The following RBM26 variants were observed in gnomAD, a reference collection of about 807,000 sequenced individuals.
RBM26 encodes the protein RNA binding motif protein 26, also known as RNA-binding protein 26.
In RBM26, 30 loss-of-function variants were observed where a neutral mutation model predicts 123.6. The observed-to-expected ratio is 0.24, with a 90% CI of 0.18 to 0.33. The LOEUF is 0.33. Ranked by LOEUF, RBM26 falls within the 10% of genes least tolerant of loss-of-function variation. RBM26 has a pLI of 1.00. For missense variants in RBM26, 947 were observed against 1,203.6 expected (o/e 0.79, Z 3.15); for synonymous variants, 400 against 404.4 (o/e 0.99, Z 0.13).
downstream of RBM26, chr13:79,315,012 A>G: frequency 7.7e-7 from 1 of 1,290,848 alleles, no homozygotes; most frequent in Non-Finnish European, 1.0e-6. Context: ...AGAGAAGACT[A>G]TTAAAAAAAA....
At chr13:79,344,556 C>A in intron 15 of RBM26, 113 bp downstream of exon 15, 1 of 989,932 alleles carries the variant, frequency 1.0e-6, no homozygotes, top group Middle Eastern at 3.1e-4. Flanking sequence ...CGTTCAGTGG[C>A]AGCCAACAAA....
At chr13:79,390,673 T>C (rs902165610) in intron 1 of RBM26, among the ~76,000 whole-genome samples, 1 of 152,186 alleles carries the variant, frequency 6.6e-6, no homozygotes, top group Non-Finnish European at 1.5e-5. Flanking sequence ...TGCGATTTAC[T>C]CTGAAATGAA....
At chr13:79,388,987 T>C (rs765256269) in intron 1 of RBM26, among the ~76,000 whole-genome samples, 55 of 152,242 alleles carry the variant, frequency 3.6e-4, no homozygotes, top group Non-Finnish European at 5.4e-4. Context: ...TAATGCTATG[T>C]GGAATCTATA....
At chr13:79,340,139 C>T (rs998453123) in intron 18 of RBM26, among the ~76,000 whole-genome samples, 3 of 149,096 alleles carry the variant, frequency 2.0e-5, no homozygotes, top group Non-Finnish European at 3.0e-5. Flanking sequence ...TCTCTATTAA[C>T]ATAAAAGAAA....
chr13:79,346,609 C>T (rs967594920), intron 14 of RBM26, among the ~76,000 whole-genome samples: 3 of 152,138 alleles, frequency 2.0e-5, no homozygotes, highest in Admixed American at 2.0e-4. Context: ...CTCCTGAGCT[C>T]AAGCAATCTT....
chr13:79,341,308 G>A lies in RBM26; in HGVS notation c.2428-81C>T, dbSNP rs113075493. On this transcript the variant is annotated intron_variant, in intron 17 of 21. Coordinates refer to ENST00000438737, the MANE Select transcript of RBM26 (RefSeq NM_001366735.2). The stretch of plus-strand genomic sequence containing the variant: ...CAAACCTTTTTAAAGTAACTTTTAC[G>A]CAGTCCCATTTAATCCATATATTTC... 3.5e-5 allele frequency: 29 copies of A among 827,416 alleles called. 2 individuals carry two copies. Among genetic ancestry groups the A allele is most frequent in the African/African-American group, 2.3e-4 (13 of 57,178 alleles). The allele number at this position is 827,416 out of a possible 1,614,324, so 51.3% of individuals were successfully genotyped here. A position where few individuals can be genotyped will look rare whatever the true frequency, so the allele number is the denominator to read the frequency against.
chr13:79,337,393 G>T, intron 18 of RBM26, 91 bp from the exon 19 acceptor site: 1 of 1,415,300 alleles, frequency 7.1e-7, no homozygotes, highest in Non-Finnish European at 9.8e-7. Flanking sequence ...AAACTTTAAT[G>T]CAATTTGACA....
chr13:79,354,570 C>T lies in RBM26; in HGVS notation c.1855G>A (p.Val619Ile), dbSNP rs775751134. The part of the protein sequence containing the change: ...TQQLQTTSPK[V>I]MQPLVQQPIL... ...GGCTGCTGGACTAAAGGCTGCATTA[C>T]CTCAGAACAAGGAAAAAATGTTAAA... The change falls in exon 13 of 22, where the codon GTA becomes ATA. Residue 619 changes from valine (V) to isoleucine (I), a missense_variant and splice_region_variant. By Grantham distance (29) the Val-to-Ile change is conservative. Transcript: ENST00000438737. The T allele has an allele frequency of 1.5e-5, 23 of 1,578,726 alleles. No individual in the cohort carries two copies. The highest frequency in any genetic ancestry group is 1.9e-5 in the Non-Finnish European group (22 of 1,159,574).
At chr13:79,385,085 C>T (rs1376093058) in intron 1 of RBM26, among the ~76,000 whole-genome samples, 1 of 152,098 alleles carries the variant, frequency 6.6e-6, no homozygotes, top group Non-Finnish European at 1.5e-5. Flanking sequence ...TATGCACCCA[C>T]GTCTGTTCTT....
At chr13:79,318,553 G>T (rs2067357544), downstream of RBM26, among the ~76,000 whole-genome samples, 2 of 151,200 alleles carry the variant, frequency 1.3e-5, no homozygotes, top group African/African-American at 4.8e-5. Context: ...ATGTTGGTAA[G>T]ATTTAATCTC....
intron 6 of RBM26, among the ~76,000 whole-genome samples, chr13:79,367,822 T>G (rs563237776): frequency 6.6e-6 from 1 of 152,068 alleles, no homozygotes; most frequent in African/African-American, 2.4e-5. Flanking sequence ...AACTAACGTA[T>G]ACATACTAAA....
At chr13:79,364,777 A>C (rs1304716893) in intron 9 of RBM26, among the ~76,000 whole-genome samples, 1 of 152,178 alleles carries the variant, frequency 6.6e-6, no homozygotes, top group Non-Finnish European at 1.5e-5. Flanking sequence ...TTTATCCAAA[A>C]GTCTGTCTCC....
intron 1 of RBM26, among the ~76,000 whole-genome samples, chr13:79,404,243 T>G (rs1217908861): frequency 6.6e-6 from 1 of 152,198 alleles, no homozygotes; most frequent in African/African-American, 2.4e-5. Flanking sequence ...ACCCATTCTG[T>G]TGCTTGGGTT....
chr13:79,331,526 C>T (rs927313010), intron 20 of RBM26, among the ~76,000 whole-genome samples: 4 of 150,388 alleles, frequency 2.7e-5, no homozygotes, highest in Admixed American at 1.3e-4. Flanking sequence ...CCCAGCTACT[C>T]GGGAGGCTGA....
At chr13:79,387,515 TA>T (rs1266845771) in intron 1 of RBM26, among the ~76,000 whole-genome samples, 1 of 151,768 alleles carries the variant, frequency 6.6e-6, no homozygotes, top group Non-Finnish European at 1.5e-5. Flanking sequence ...ACTAGTTATA[TA>T]ATCCTGCGTT....
chr13:79,325,500 T>G (rs2068244259), intron 20 of RBM26, among the ~76,000 whole-genome samples: 2 of 152,124 alleles, frequency 1.3e-5, no homozygotes, highest in Admixed American at 6.6e-5. Flanking sequence ...ATTAAAAGTT[T>G]AAAAAGTAAA....
chr13:79,373,356 T>C (rs1275799007), intron 3 of RBM26, among the ~76,000 whole-genome samples: 1 of 104,132 alleles, frequency 9.6e-6, no homozygotes, highest in Non-Finnish European at 1.7e-5. Flanking sequence ...ATAAATAAAA[T>C]ATATAAATAT....
chr13:79,369,066 A>G, intron 5 of RBM26, 76 bp from the exon 6 acceptor site: 1 of 944,410 alleles, frequency 1.1e-6, no homozygotes, highest in Non-Finnish European at 1.5e-6. Context: ...AGAAATAGTG[A>G]TATTTTTATA....
At chr13:79,339,023 G>T (rs375234271) in intron 18 of RBM26, among the ~76,000 whole-genome samples, 1 of 152,208 alleles carries the variant, frequency 6.6e-6, no homozygotes, top group African/African-American at 2.4e-5. Context: ...CCAAATGGAA[G>T]TGTGAAGCAG....
Sources: allele counts gnomAD v4.1 joint callset (sites outside exome capture counted in the v4.1 genomes callset), GRCh38; gene constraint gnomAD v4.1.1; transcripts MANE v1.5; gene names NCBI Gene and HGNC (gene_info 2026-07-23, HGNC 2026-07-21).